Variants in FBN2 observed in about 807,000 individuals in gnomAD.
The protein encoded by FBN2 is fibrillin-2.
Under a neutral mutation model 355.6 loss-of-function variants are expected in FBN2, and 105 were observed. The observed-to-expected ratio is 0.30, with a 90% confidence interval of 0.25 to 0.35. The LOEUF (loss-of-function observed/expected upper bound fraction) is 0.35, where lower values mean the gene tolerates loss of function less well. FBN2 is among the 10% of genes least tolerant of loss of function. The probability of loss-of-function intolerance (pLI) is 1.00; values close to 1 mark genes in which losing one functional copy is unlikely to be tolerated. For missense variants in FBN2, 3,280 were observed against 3,758.7 expected, an observed-to-expected ratio of 0.87 and a Z score of 3.33; for synonymous variants, 1,350 against 1,301.2, an observed-to-expected ratio of 1.04 and a Z score of -0.81.
chr5:128,277,920 C>T lies in FBN2; in HGVS notation c.7431G>A (p.Lys2477=), dbSNP rs1765435899. 2 of 1,614,128 alleles carry T rather than the reference C, an allele frequency of 1.2e-6. No homozygotes were observed. The highest frequency in any genetic ancestry group is 1.7e-6 in the Non-Finnish European group (2 of 1,180,008). ...NTMGSFRCFC[K]VGYTTDISGT... Reference sequence around the variant, plus strand: ...CACTGATGTCTGTGGTGTAGCCAACCTTGCAGAAGCATCGGAATGAGCCCA... The same window carrying T: ...CACTGATGTCTGTGGTGTAGCCAACTTTGCAGAAGCATCGGAATGAGCCCA... Residue 2477 remains lysine, a synonymous_variant, in exon 58 of 65, where the codon AAG becomes AAA. Transcript: ENST00000262464.
chr5:128,288,310 C>A, intron 53 of FBN2, 128 bp downstream of exon 53: 3 of 1,088,384 alleles, frequency 2.8e-6, no homozygotes, highest in Non-Finnish European at 2.6e-6. Flanking sequence ...AACAAAAAAC[C>A]CAAAAAACAA....
chr5:128,318,734 G>T (rs531156918), intron 35 of FBN2, 145 bp downstream of exon 35: 3 of 665,970 alleles, frequency 4.5e-6, no homozygotes, highest in East Asian at 2.8e-5. Flanking sequence ...ACAAATAAAT[G>T]CATCTGAATA....
chr5:128,469,102 TAAGA>T (rs953293395), intron 5 of FBN2, among the ~76,000 whole-genome samples: 1 of 151,918 alleles, frequency 6.6e-6, no homozygotes, highest in African/African-American at 2.4e-5. Flanking sequence ...AAAAAGTGAA[TAAGA>T]AAGAGAGGAG....
chr5:128,359,207 T>C (rs1321794462), intron 19 of FBN2, among the ~76,000 whole-genome samples: 1 of 152,070 alleles, frequency 6.6e-6, no homozygotes, highest in Admixed American at 6.6e-5. Flanking sequence ...ATTTGTTATA[T>C]ATTTAAAATA....
intron 7 of FBN2, among the ~76,000 whole-genome samples, chr5:128,422,699 C>G (rs1036183415): frequency 1.3e-5 from 2 of 152,136 alleles, no homozygotes; most frequent in South Asian, 4.1e-4. Context: ...AGTAATAGAA[C>G]TGAAGTTGAG....
At chr5:128,292,118 A>G (rs1012254240) in intron 48 of FBN2, among the ~76,000 whole-genome samples, 1 of 152,036 alleles carries the variant, frequency 6.6e-6, no homozygotes, top group Non-Finnish European at 1.5e-5. Context: ...TTCCACAGCC[A>G]TCATCATTTG....
At chr5:128,450,696 C>CA (rs905018496) in intron 6 of FBN2, among the ~76,000 whole-genome samples, 7 of 151,314 alleles carry the variant, frequency 4.6e-5, no homozygotes, top group South Asian at 2.1e-4. Flanking sequence ...TGATAAAATA[C>CA]AAAAAAATAG....
At chr5:128,283,645 T>A (rs944269937) in intron 55 of FBN2, among the ~76,000 whole-genome samples, 5 of 152,220 alleles carry the variant, frequency 3.3e-5, no homozygotes, top group African/African-American at 1.2e-4. Context: ...GTCAATCCCA[T>A]AATTTTTCAA....
chr5:128,319,913 G>A (rs1042157348), intron 34 of FBN2, among the ~76,000 whole-genome samples: 9 of 152,306 alleles, frequency 5.9e-5, no homozygotes, highest in South Asian at 2.1e-4. Flanking sequence ...GACCAGGCAC[G>A]TCATTTTAGG....
intron 11 of FBN2, among the ~76,000 whole-genome samples, chr5:128,379,221 TG>T (rs1308047060): frequency 6.6e-6 from 1 of 152,170 alleles, no homozygotes; most frequent in Non-Finnish European, 1.5e-5. Flanking sequence ...TACACCAATG[TG>T]GGCAAGTTAA....
intron 5 of FBN2, among the ~76,000 whole-genome samples, chr5:128,486,484 T>C (rs1755340282): frequency 6.6e-6 from 1 of 152,076 alleles, no homozygotes; most frequent in Non-Finnish European, 1.5e-5. Flanking sequence ...GTATACAAAA[T>C]TATTGTTCAC....
chr5:128,281,797 T>C (rs1241839277), intron 55 of FBN2, among the ~76,000 whole-genome samples: 1 of 152,194 alleles, frequency 6.6e-6, no homozygotes, highest in Admixed American at 6.5e-5. Context: ...GCCATTCTCC[T>C]GCCTCAGCCT....
chr5:128,536,403 G>A lies in FBN2; in HGVS notation c.336C>T (p.Val112=), dbSNP rs1269124844. ...KTLPGGNQCI[V]PICRNSCGDG... ...CTGCGATCCCTGCCAAGCACTCACGGACAATGCACTGGTTTCCTCCAGGGA... is the reference window on the plus strand; with the variant it reads ...CTGCGATCCCTGCCAAGCACTCACGAACAATGCACTGGTTTCCTCCAGGGA... The change falls in exon 2 of 65, where the codon GTC becomes GTT. Residue 112 remains valine, a splice_region_variant and synonymous_variant. Transcript: ENST00000262464. 6.2e-7 allele frequency: 1 copy of A among 1,613,552 alleles called. No homozygotes were observed. Among genetic ancestry groups the A allele is most frequent in the Non-Finnish European group, 8.5e-7 (1 of 1,179,662 alleles).
At chr5:128,348,361 T>A (rs1252884639) in intron 23 of FBN2, among the ~76,000 whole-genome samples, 3 of 152,176 alleles carry the variant, frequency 2.0e-5, no homozygotes, top group African/African-American at 7.2e-5. Context: ...GAAAGACATT[T>A]TCTTTATTTT....
intron 6 of FBN2, among the ~76,000 whole-genome samples, chr5:128,457,304 A>G (rs1481006118): frequency 6.6e-6 from 1 of 152,212 alleles, no homozygotes; most frequent in Non-Finnish European, 1.5e-5. Flanking sequence ...GAGACTTCAT[A>G]AAATGACCTA....
intron 7 of FBN2, among the ~76,000 whole-genome samples, chr5:128,409,905 G>GC (rs1220549685): frequency 6.6e-6 from 1 of 152,108 alleles, no homozygotes; most frequent in Admixed American, 6.5e-5. Context: ...GAAAAAGGTT[G>GC]CCAATGCCTT....
At chr5:128,306,034 G>A in intron 42 of FBN2, 86 bp from the exon 43 acceptor site, 1 of 1,298,364 alleles carries the variant, frequency 7.7e-7, no homozygotes, top group Non-Finnish European at 1.1e-6. Flanking sequence ...CATGTACCCT[G>A]GGATGAGTAC....
At chr5:128,446,711 G>A in intron 6 of FBN2, 105 bp from the exon 7 acceptor site, 1 of 1,270,536 alleles carries the variant, frequency 7.9e-7, no homozygotes, top group Non-Finnish European at 1.1e-6. Flanking sequence ...AAGAAACTCA[G>A]TTTTTCTCAA....
At chr5:128,310,155 A>G (rs374567149) in intron 39 of FBN2, 47 bp from the exon 40 acceptor site, 286 of 1,463,844 alleles carry the variant, frequency 2.0e-4, no homozygotes, top group Non-Finnish European at 2.5e-4. Flanking sequence ...TATTTTTTCA[A>G]TGAATTTATA....
Sources: gnomAD v4.1 joint callset for allele counts (sites outside exome capture counted in the v4.1 genomes callset) on GRCh38, gnomAD v4.1.1 for gene constraint, MANE v1.5 for transcripts, NCBI Gene and HGNC (gene_info 2026-07-23, HGNC 2026-07-21) for gene names.